The following MEGF8 variants were observed in gnomAD, a reference collection of about 807,000 sequenced individuals.
MEGF8 encodes multiple epidermal growth factor-like domains protein 8.
A neutral mutation model predicts 302.9 loss-of-function variants in MEGF8; 156 were observed. That is an observed-to-expected ratio of 0.52 (90% CI 0.45 to 0.59). The LOEUF (loss-of-function observed/expected upper bound fraction) is 0.59, where lower values mean the gene tolerates loss of function less well. Among genes scored for constraint, MEGF8 ranks in the 20% least tolerant of loss-of-function variants. The pLI, the probability that MEGF8 is intolerant of heterozygous loss-of-function variation, is 0.00. For missense variants in MEGF8, 3,345 were observed against 3,964.5 expected, an observed-to-expected ratio of 0.84 and a Z score of 4.20; for synonymous variants, 1,621 against 1,660.5, an observed-to-expected ratio of 0.98 and a Z score of 0.58.
At chr19:42,348,520 G>A (rs1245965165) in intron 13 of MEGF8, 48 bp downstream of exon 13, 1 of 1,454,696 alleles carries the variant, frequency 6.9e-7, no homozygotes, top group Non-Finnish European at 9.1e-7. Flanking sequence ...TAAATAGGGA[G>A]TTAGGGGTGT....
chr19:42,378,513 C>T lies in MEGF8; in HGVS notation c.*1738C>T, dbSNP rs1372949144. The stretch of plus-strand genomic sequence containing the variant: ...GAGGCGCCACCCCGCACCTGAGCCA[C>T]CTCCTTGGACTCCTGTCCTCTACCC... On this transcript the variant is annotated 3_prime_UTR_variant, in exon 42 of 42. Transcript: ENST00000251268. 6.5e-6 allele frequency: 1 copy of T among 153,934 alleles called. No individual in the cohort carries two copies. The highest frequency in any genetic ancestry group is 2.4e-5 in the African/African-American group (1 of 41,440). The allele number at this position is 153,934 out of a possible 1,614,324, so 9.5% of individuals were successfully genotyped here.
intron 15 of MEGF8, among the ~76,000 whole-genome samples, chr19:42,350,641 G>A (rs1037277137): frequency 2.6e-5 from 4 of 152,186 alleles, no homozygotes; most frequent in Non-Finnish European, 4.4e-5. Context: ...CATAGGCACT[G>A]GAGCCCAGGA....
At position 42,368,483 on chromosome 19, in the gene MEGF8, G is replaced by C. The variant is rs888767107; in HGVS notation, c.6302G>C (p.Arg2101Pro). ...CTGAGCCCTTCCTACCTGCCCCTGC[G>C]ATGTATGGCCGGAGGCTGTGGGCGG... Reference protein sequence around the residue: ...QCLSPSYLPLRCMAGGCGRLL... With the variant: ...QCLSPSYLPLPCMAGGCGRLL... Residue 2101 changes from arginine (R) to proline (P), a missense_variant, in exon 36 of 42, where the codon CGA (arginine) becomes CCA (proline). Physicochemically the swap from Arg to Pro is moderately radical, Grantham distance 103. Transcript: ENST00000251268. The surrounding 1 kb of genome is among the most constrained non-coding windows in gnomAD (Gnocchi z 4.9). 1.2e-6 allele frequency: 2 copies of C among 1,609,682 alleles called. No homozygotes were observed. The highest frequency in any genetic ancestry group is 3.4e-5 in the Admixed American group (2 of 59,654).
Position 42,352,752 on chromosome 19 carries a change from A to G in MEGF8, c.3351-176A>G, listed in dbSNP as rs2039395112. 3.1e-6 allele frequency: 2 copies of G among 641,258 alleles called. No homozygotes were observed. Among genetic ancestry groups the G allele is most frequent in the Non-Finnish European group, 5.4e-6 (2 of 371,418 alleles). 39.7% of individuals were successfully genotyped at this position (641,258 alleles called of 1,614,324 possible). On this transcript the variant is annotated intron_variant, in intron 19 of 41. Coordinates refer to ENST00000251268, the MANE Select transcript of MEGF8 (RefSeq NM_001271938.2). This position sits in a 1 kb window ranked among gnomAD's most constrained non-coding sequence, Gnocchi z 4.4. ...TTCACAGTGGTGCTATGTGGTTGCTATAGAGACAGGCTTGGTGATGCATGG... is the reference window on the plus strand; with the variant it reads ...TTCACAGTGGTGCTATGTGGTTGCTGTAGAGACAGGCTTGGTGATGCATGG...
At chr19:42,371,514 G>T in intron 41 of MEGF8, 32 bp downstream of exon 41, 2 of 1,613,106 alleles carry the variant, frequency 1.2e-6, no homozygotes, top group Non-Finnish European at 1.7e-6. Flanking sequence ...GTGGGCCGAG[G>T]GCCCTACACC....
chr19:42,357,122 G>C lies in MEGF8; in HGVS notation c.4830+141G>C, dbSNP rs902718368. The C allele has an allele frequency of 1.0e-6, 1 of 972,800 alleles. No individual in the cohort carries two copies. The highest frequency in any genetic ancestry group is 2.6e-5 in the Admixed American group (1 of 38,804). 60.3% of individuals were successfully genotyped at this position (972,800 alleles called of 1,614,324 possible). ...TTCCTCGGCCATCCTGGGTCACACTGTTGTCCTGAGCCAGTCCTGGGCTGG... is the reference window on the plus strand; with the variant it reads ...TTCCTCGGCCATCCTGGGTCACACTCTTGTCCTGAGCCAGTCCTGGGCTGG... On this transcript the variant is annotated intron_variant, in intron 27 of 41. Coordinates refer to ENST00000251268, the MANE Select transcript of MEGF8 (RefSeq NM_001271938.2). This position sits in a 1 kb window ranked among gnomAD's most constrained non-coding sequence, Gnocchi z 5.2.
At position 42,358,849 on chromosome 19, in the gene MEGF8, G is replaced by A; in HGVS notation, c.5238G>A (p.Gln1746=). 6.2e-7 allele frequency: 1 copy of A among 1,607,650 alleles called. No homozygotes were observed. The highest frequency in any genetic ancestry group is 8.5e-7 in the Non-Finnish European group (1 of 1,177,110). ...GTCTGGGCCAAGTTCCTGGGGAGCAGCCTGGGTCATGGGGGTTCCGGGAAG... is the reference window on the plus strand; with the variant it reads ...GTCTGGGCCAAGTTCCTGGGGAGCAACCTGGGTCATGGGGGTTCCGGGAAG... ...SRGLGQVPGE[Q]PGSWGFREVR... The change falls in exon 30 of 42, where the codon CAG becomes CAA. Residue 1746 remains glutamine, a synonymous_variant. Coordinates refer to ENST00000251268, the MANE Select transcript of MEGF8 (RefSeq NM_001271938.2). The surrounding 1 kb of genome is among the most constrained non-coding windows in gnomAD (Gnocchi z 4.4).
rs1444273684 is a variant in MEGF8 at position 42,378,240 on chromosome 19, A to T, written c.*1465A>T. The T allele has an allele frequency of 6.6e-6, 1 of 152,272 alleles. No homozygotes were observed. Among genetic ancestry groups the T allele is most frequent in the Non-Finnish European group, 1.5e-5 (1 of 68,048 alleles). The allele number at this position is 152,272 out of a possible 1,614,324, so 9.4% of individuals were successfully genotyped here. A position where few individuals can be genotyped will look rare whatever the true frequency, so the allele number is the denominator to read the frequency against. On this transcript the variant is annotated 3_prime_UTR_variant, in exon 42 of 42. Transcript: ENST00000251268. ...GGCACCCTGAGACAGCCCAGAGGTG[A>T]ATAGGACCCCCAGGCTGCAGGGATA...
chr19:42,368,656 C>A lies in MEGF8; in HGVS notation c.6475C>A (p.Arg2159Ser), dbSNP rs201858033. 1.3e-6 allele frequency: 2 copies of A among 1,543,860 alleles called. No individual in the cohort carries two copies. The highest frequency in any genetic ancestry group is 2.3e-5 in the East Asian group (1 of 43,010). ...RCMEGGLSGPRDGLTCGRPGA... is the reference protein window; with the variant it reads ...RCMEGGLSGPSDGLTCGRPGA... ...CATGGAGGGTGGACTCAGCGGCCCC[C>A]GTGATGGTGAGAGGGCTTTGGGCAC... Residue 2159 changes from arginine (R) to serine (S), a missense_variant, in exon 36 of 42, where the codon CGT (arginine) becomes AGT (serine). Transcript: ENST00000251268. The surrounding 1 kb of genome is among the most constrained non-coding windows in gnomAD (Gnocchi z 4.9).
Position 42,353,203 on chromosome 19 carries a change from T to C in MEGF8, c.3550+76T>C, listed in dbSNP as rs768165614. The C allele has an allele frequency of 1.3e-5, 18 of 1,368,948 alleles. No homozygotes were observed. The highest frequency in any genetic ancestry group is 1.8e-5 in the Non-Finnish European group (18 of 1,019,364). The allele number at this position is 1,368,948 out of a possible 1,614,324, so 84.8% of individuals were successfully genotyped here. A position where few individuals can be genotyped will look rare whatever the true frequency, so the allele number is the denominator to read the frequency against. On this transcript the variant is annotated intron_variant, in intron 20 of 41. Transcript: ENST00000251268. This position sits in a 1 kb window ranked among gnomAD's most constrained non-coding sequence, Gnocchi z 6.1. ...TTCTTGGGGCTCCAGTTTGCTCTTC[T>C]TGGAGGGGGCCTCAGTGTCCTCTCA...
intron 1 of MEGF8, among the ~76,000 whole-genome samples, chr19:42,329,772 T>C (rs1393557456): frequency 6.6e-6 from 1 of 150,686 alleles, no homozygotes; most frequent in Non-Finnish European, 1.5e-5. Flanking sequence ...CCGGCGAGGC[T>C]GAGGTGGGCA....
chr19:42,371,174 G>A (rs1384485708), intron 40 of MEGF8, among the ~76,000 whole-genome samples, 176 bp from the exon 41 acceptor site: 2 of 152,032 alleles, frequency 1.3e-5, no homozygotes, highest in Admixed American at 6.6e-5. Context: ...TGTGCAACTC[G>A]GGTTCTAATC....
In MEGF8 at chr19:42,370,266, C is replaced by G. The variant is rs1430983913; in HGVS notation, c.6912C>G (p.Ala2304=). The change falls in exon 39 of 42, where the codon GCC becomes GCG. Residue 2304 remains alanine, a synonymous_variant. Coordinates refer to ENST00000251268, the MANE Select transcript of MEGF8 (RefSeq NM_001271938.2). Reference sequence around the variant, plus strand: ...GCGGGACCTGCCGGCCCTGCCACGCCTTTTGTCGTGGAAATAGCCACATCT... The same window carrying G: ...GCGGGACCTGCCGGCCCTGCCACGCGTTTTGTCGTGGAAATAGCCACATCT... ...VGGGTCRPCH[A]FCRGNSHICI... The G allele has an allele frequency of 1.2e-6, 2 of 1,613,812 alleles. No homozygotes were observed. Among genetic ancestry groups the G allele is most frequent in the African/African-American group, 2.7e-5 (2 of 74,946 alleles).
At chr19:42,343,225 C>G (rs1236274939) in intron 8 of MEGF8, among the ~76,000 whole-genome samples, 1 of 152,138 alleles carries the variant, frequency 6.6e-6, no homozygotes, top group Non-Finnish European at 1.5e-5. Context: ...CGATTTGAAC[C>G]CAAGTAAGTG....
Position 42,354,461 on chromosome 19 carries a change from T to C in MEGF8, c.4012-127T>C. 2 of 1,099,346 alleles carry C rather than the reference T, an allele frequency of 1.8e-6. No homozygotes were observed. The allele number at this position is 1,099,346 out of a possible 1,614,324, so 68.1% of individuals were successfully genotyped here. On this transcript the variant is annotated intron_variant, in intron 22 of 41. Coordinates refer to ENST00000251268, the MANE Select transcript of MEGF8 (RefSeq NM_001271938.2). This position sits in a 1 kb window ranked among gnomAD's most constrained non-coding sequence, Gnocchi z 4.3. ...TATGCCATAGTTTGACAGTCTCCCC[T>C]GGATGTTCAAACAGCCCATTTCCCA...
intron 5 of MEGF8, 72 bp downstream of exon 5, chr19:42,335,457 T>A (rs2039114304): frequency 1.4e-6 from 2 of 1,391,916 alleles, no homozygotes; most frequent in East Asian, 4.6e-5. Context: ...CCCGGAATGA[T>A]CCCCTATCAC....
In MEGF8 at chr19:42,376,712, T is replaced by C. The variant is rs1414507698; in HGVS notation, c.8475T>C (p.His2825=). 1.3e-6 allele frequency: 2 copies of C among 1,500,940 alleles called. No homozygotes were observed. The highest frequency in any genetic ancestry group is 2.2e-4 in the Middle Eastern group (1 of 4,606). The allele number at this position is 1,500,940 out of a possible 1,614,324, so 93.0% of individuals were successfully genotyped here. A position where few individuals can be genotyped will look rare whatever the true frequency, so the allele number is the denominator to read the frequency against. ...GTGGGGGTGCTGGGGGCAGTGGGCA[T>C]GGGACTGGTGCGGGCCGGAAGGGAC... ...GGGGGAGGSG[H]GTGAGRKGLL... Residue 2825 remains histidine, a synonymous_variant, in exon 42 of 42, where the codon CAT becomes CAC. Transcript: ENST00000251268. The surrounding 1 kb of genome is among the most constrained non-coding windows in gnomAD (Gnocchi z 8.2).
In MEGF8 at chr19:42,351,571, T is replaced by C. The variant is rs1455296445; in HGVS notation, c.2987+11T>C. The C allele has an allele frequency of 6.8e-6, 11 of 1,606,730 alleles. No homozygotes were observed. Among genetic ancestry groups the C allele is most frequent in the Admixed American group, 1.7e-5 (1 of 58,980 alleles). Reference sequence around the variant, plus strand: ...AGGCTGGGACGACAGGTATGGTCCCTGGGGCAGGGCTAACAGAGGAAGATT... The same window carrying C: ...AGGCTGGGACGACAGGTATGGTCCCCGGGGCAGGGCTAACAGAGGAAGATT... On this transcript the variant is annotated intron_variant, in intron 17 of 41. Coordinates refer to ENST00000251268, the MANE Select transcript of MEGF8 (RefSeq NM_001271938.2). This position sits in a 1 kb window ranked among gnomAD's most constrained non-coding sequence, Gnocchi z 5.6.
Position 42,358,113 on chromosome 19 carries a change from T to C in MEGF8, c.5012-31T>C, listed in dbSNP as rs1600059216. 3.3e-6 allele frequency: 5 copies of C among 1,500,298 alleles called. No homozygotes were observed. Among genetic ancestry groups the C allele is most frequent in the African/African-American group, 1.4e-5 (1 of 70,358 alleles). 92.9% of individuals were successfully genotyped at this position (1,500,298 alleles called of 1,614,324 possible). A position where few individuals can be genotyped will look rare whatever the true frequency, so the allele number is the denominator to read the frequency against. On this transcript the variant is annotated intron_variant, in intron 28 of 41. Coordinates refer to ENST00000251268, the MANE Select transcript of MEGF8 (RefSeq NM_001271938.2). This position sits in a 1 kb window ranked among gnomAD's most constrained non-coding sequence, Gnocchi z 4.4. ...CGGGGTCAGTGCTGTTGTCAGCCCC[T>C]CCCCCAGCCTGTCACCCTGCCCCTC...
Sources: allele counts gnomAD v4.1 joint callset (sites outside exome capture counted in the v4.1 genomes callset), GRCh38; gene constraint gnomAD v4.1.1; non-coding constraint Gnocchi (gnomAD v3.1); transcripts MANE v1.5; gene names NCBI Gene and HGNC (gene_info 2026-07-23, HGNC 2026-07-21).